Variants in BICDL1 observed in about 807,000 individuals in gnomAD.
The protein encoded by BICDL1 is BICD family-like cargo adapter 1.
In BICDL1, 20 loss-of-function variants were observed where a neutral mutation model predicts 76.8. The ratio of observed to expected loss-of-function variants is 0.26; its 90% CI spans 0.18 to 0.38. BICDL1 has a LOEUF of 0.38. Ranked by LOEUF, BICDL1 falls within the 10% of genes least tolerant of loss-of-function variation. BICDL1 has a pLI of 1.00. For synonymous variants in BICDL1, 383 were observed against 337.1 expected (o/e 1.14, Z -1.49); for missense variants, 700 against 798.6 (o/e 0.88, Z 1.49).
chr12:120,042,034 A>G (rs1952652104), intron 2 of BICDL1, among the ~76,000 whole-genome samples: 1 of 151,938 alleles, frequency 6.6e-6, no homozygotes, highest in African/African-American at 2.4e-5. Flanking sequence ...TAGGAGGGCA[A>G]GGGTAGGAGC....
intron 9 of BICDL1, chr12:120,090,928 T>C: frequency 7.8e-7 from 1 of 1,288,814 alleles, no homozygotes; most frequent in Non-Finnish European, 1.0e-6. Flanking sequence ...CCTCAGGGCT[T>C]TTTACTATCT....
Position 120,025,206 on chromosome 12 carries a change from T to A in BICDL1, c.645+26470T>A, listed in dbSNP as rs929660937. 5.3e-5 allele frequency among the ~76,000 whole-genome samples: 8 copies of A among 151,878 alleles called. No individual in the cohort carries two copies. The East Asian group carries it at 7.8e-4, about 15-fold the overall frequency. ...GCTGGGACTACAGGCGCCCGCCACC[T>A]CGCCCGGCTAATTTTTTGTATTTTT... On this transcript the variant is annotated intron_variant, in intron 2 of 9. Transcript: ENST00000548673.
chr12:120,057,781 A>G (rs1000363669), intron 2 of BICDL1, among the ~76,000 whole-genome samples: 17 of 131,706 alleles, frequency 1.3e-4, no homozygotes, highest in African/African-American at 4.1e-4. Flanking sequence ...TGGAGCCTCT[A>G]TCTCCCTGCC....
At chr12:120,045,775 G>A (rs1017048215) in intron 2 of BICDL1, among the ~76,000 whole-genome samples, 4 of 145,316 alleles carry the variant, frequency 2.8e-5, no homozygotes, top group African/African-American at 5.2e-5. Flanking sequence ...GTTGTGGGAT[G>A]GGGGGAGGGG....
intron 1 of BICDL1, among the ~76,000 whole-genome samples, chr12:119,991,610 C>T (rs146179426): frequency 6.6e-6 from 1 of 151,942 alleles, no homozygotes; most frequent in Non-Finnish European, 1.5e-5. Context: ...AAATAAAAAG[C>T]CTTCCTTTTT....
In BICDL1 at chr12:120,083,020, G is replaced by A. The variant is rs182927943; in HGVS notation, c.1583+2003G>A. On this transcript the variant is annotated intron_variant, in intron 8 of 9. Transcript: ENST00000548673. ...TGGGATTACAGGCACACACCACCAC[G>A]CCTGGCTAAGTTTTGTATTTTTAGT... Among the ~76,000 whole-genome samples, 1,219 of 150,394 alleles carry A rather than the reference G, an allele frequency of 8.1e-3. 27 individuals are homozygous for A. Among genetic ancestry groups the A allele is most frequent in the African/African-American group, 0.027 (1,083 of 40,824 alleles).
intron 9 of BICDL1, chr12:120,090,627 G>A (rs1320436258): frequency 1.1e-5 from 4 of 350,252 alleles, no homozygotes; most frequent in East Asian, 7.5e-5. Context: ...GGTTTTGTTC[G>A]TGAGGTTGAG....
At chr12:120,019,472 A>C (rs937837134) in intron 2 of BICDL1, among the ~76,000 whole-genome samples, 9 of 152,234 alleles carry the variant, frequency 5.9e-5, no homozygotes, top group Admixed American at 3.3e-4. Context: ...TGTGTGCAGA[A>C]GGTTATAAAG....
chr12:120,043,636 G>C (rs947392113), intron 2 of BICDL1, among the ~76,000 whole-genome samples: 1 of 152,188 alleles, frequency 6.6e-6, no homozygotes, highest in East Asian at 1.9e-4. Context: ...CTGTGGATGG[G>C]CTATGTAAAT....
At chr12:120,031,745 TC>T (rs34686652) in intron 2 of BICDL1, among the ~76,000 whole-genome samples, 1 of 152,102 alleles carries the variant, frequency 6.6e-6, no homozygotes, top group South Asian at 2.1e-4. Flanking sequence ...AAGTGGTAGA[TC>T]CCTGTGTAAT....
In BICDL1 at chr12:120,080,981, A is replaced by G; in HGVS notation, c.1547A>G (p.Gln516Arg). The G allele has an allele frequency of 6.2e-7, 1 of 1,613,894 alleles. No homozygotes were observed. Among genetic ancestry groups the G allele is most frequent in the Non-Finnish European group, 8.5e-7 (1 of 1,179,936 alleles). The change falls in exon 8 of 10, where the codon CAG (glutamine) becomes CGG (arginine). Residue 516 changes from glutamine (Q) to arginine (R), a missense_variant. Gln to Arg is a conservative substitution (Grantham distance 43). Transcript: ENST00000548673. ...GACAAGGAGCCAAAGGAGCAGCTTCAGAAGGCCATCAGGGACCGCGACGAG... is the reference window on the plus strand; with the variant it reads ...GACAAGGAGCCAAAGGAGCAGCTTCGGAAGGCCATCAGGGACCGCGACGAG... ...SEDKEPKEQL[Q>R]KAIRDRDEAI...
intron 2 of BICDL1, among the ~76,000 whole-genome samples, chr12:120,035,050 G>T (rs1407529482): frequency 6.6e-6 from 1 of 152,110 alleles, no homozygotes; most frequent in African/African-American, 2.4e-5. Flanking sequence ...AGAATAAAAG[G>T]AGAGGCTGGG....
chr12:119,991,056 C>G (rs1951511761), intron 1 of BICDL1, among the ~76,000 whole-genome samples: 1 of 127,260 alleles, frequency 7.9e-6, no homozygotes, highest in Non-Finnish European at 1.7e-5. Context: ...TCTAGGCAGT[C>G]TTTCAGAGTT....
At position 119,990,122 on chromosome 12, in the gene BICDL1, A is replaced by T; in HGVS notation, c.254A>T (p.Glu85Val). 1 of 1,549,342 alleles carries T rather than the reference A, an allele frequency of 6.5e-7. No individual in the cohort carries two copies. The highest frequency in any genetic ancestry group is 8.7e-7 in the Non-Finnish European group (1 of 1,146,802). Reference sequence around the variant, plus strand: ...CAGGCCGAGCCTGGGTCTCTGGCCGAGGGGGCCGGACCGCAGCCGCCGCCC... The same window carrying T: ...CAGGCCGAGCCTGGGTCTCTGGCCGTGGGGGCCGGACCGCAGCCGCCGCCC... ...HPQAEPGSLAEGAGPQPPPSQ... is the reference protein window; with the variant it reads ...HPQAEPGSLAVGAGPQPPPSQ... The change falls in exon 1 of 10, where the codon GAG becomes GTG. Residue 85 changes from glutamate to valine, a missense_variant. Glu to Val is a moderately radical substitution (Grantham distance 121). Transcript: ENST00000548673.
intron 9 of BICDL1, chr12:120,091,857 A>G: frequency 3.0e-6 from 3 of 985,330 alleles, no homozygotes; most frequent in Non-Finnish European, 2.4e-6. Flanking sequence ...TCATGCCCTC[A>G]TCTCGTCAGT....
At position 119,989,820 on chromosome 12, in the gene BICDL1, G is replaced by C; in HGVS notation, c.-49G>C. On this transcript the variant is annotated 5_prime_UTR_variant, in exon 1 of 10. Transcript: ENST00000548673. ...GCAGGGCCCCTCCCCCCTGCAGCCT[G>C]GCGCGCGCGGGCCGGGCCGCACCGC... The C allele has an allele frequency of 4.8e-6, 5 of 1,041,132 alleles. No homozygotes were observed. Among genetic ancestry groups the C allele is most frequent in the Non-Finnish European group, 5.9e-6 (5 of 850,128 alleles). The allele number at this position is 1,041,132 out of a possible 1,614,324, so 64.5% of individuals were successfully genotyped here. A position where few individuals can be genotyped will look rare whatever the true frequency, so the allele number is the denominator to read the frequency against.
At chr12:120,003,176 AC>A (rs1951791215) in intron 2 of BICDL1, among the ~76,000 whole-genome samples, 2 of 146,096 alleles carry the variant, frequency 1.4e-5, no homozygotes, top group Non-Finnish European at 1.5e-5. Context: ...AAAAAAAAAA[AC>A]AGTCGGTAGG....
At chr12:120,090,353 T>G (rs949877655) in intron 9 of BICDL1, among the ~76,000 whole-genome samples, 3 of 152,214 alleles carry the variant, frequency 2.0e-5, no homozygotes, top group Non-Finnish European at 4.4e-5. Context: ...GTCTGGGCTT[T>G]AAGCTGGAAA....
At chr12:119,994,887 CATCTT>C (rs1951606751) in intron 1 of BICDL1, among the ~76,000 whole-genome samples, 1 of 152,302 alleles carries the variant, frequency 6.6e-6, no homozygotes, top group African/African-American at 2.4e-5. Context: ...CTCTTATTAA[CATCTT>C]ATAATAGTAT....
Sources: gnomAD v4.1 joint callset for allele counts (sites outside exome capture counted in the v4.1 genomes callset) on GRCh38, gnomAD v4.1.1 for gene constraint, MANE v1.5 for transcripts, NCBI Gene and HGNC (gene_info 2026-07-23, HGNC 2026-07-21) for gene names.